Variants in ZNF469 observed in about 807,000 individuals in gnomAD.
ZNF469 encodes zinc finger protein 469.
In ZNF469, 1 loss-of-function variant was observed where a neutral mutation model predicts 1.0. That is an observed-to-expected ratio of 1.00 (90% CI 0.35 to 4.73). ZNF469 has a LOEUF of 4.73. Ranked by LOEUF, ZNF469 falls within the 30% of genes most tolerant of loss-of-function variation. The pLI is 0.16. For synonymous variants in ZNF469, 2,703 were observed against 2,363.4 expected, an observed-to-expected ratio of 1.14 and a Z score of -4.17; for missense variants, 6,100 against 5,356.3, an observed-to-expected ratio of 1.14 and a Z score of -4.33.
At chr16:88,398,019 G>A (rs1345288012) in intron 1 of ZNF469, among the ~76,000 whole-genome samples, 2 of 152,254 alleles carry the variant, frequency 1.3e-5, no homozygotes, top group Non-Finnish European at 2.9e-5. Context: ...GCCCGGCAGG[G>A]CCAGGCCTCC....
At chr16:88,153,554 C>T in the ZNF469 span, among the ~76,000 whole-genome samples, 1 of 152,222 alleles carries the variant, frequency 6.6e-6, no homozygotes, top group African/African-American at 2.4e-5. Context: ...CTTATGGGGA[C>T]ACAAATGGCA....
the ZNF469 span, among the ~76,000 whole-genome samples, chr16:88,297,377 G>C: frequency 2.6e-5 from 4 of 152,212 alleles, no homozygotes; most frequent in Admixed American, 2.6e-4. Flanking sequence ...CACCCTCCAC[G>C]TCCGCTTTCC....
Position 88,438,319 on chromosome 16 carries a change from C to A in ZNF469, c.10849C>A (p.Pro3617Thr), listed in dbSNP as rs1020578736. 1.9e-6 allele frequency: 3 copies of A among 1,550,156 alleles called. No individual in the cohort carries two copies. The highest frequency in any genetic ancestry group is 3.3e-4 in the Middle Eastern group (2 of 5,990). ...CCAAGATGCGGAGGGAAAGAGGGCT[C>A]CTCTCGTGTTCTCAGGGAAACGCAG... ...RGQDAEGKRA[P>T]LVFSGKRRAP... is the part of the protein sequence containing the mutation. Residue 3617 changes from proline to threonine, a missense_variant, in exon 3 of 3, where the codon CCT becomes ACT. Coordinates refer to ENST00000565624, the MANE Select transcript of ZNF469 (RefSeq NM_001367624.2).
the ZNF469 span, among the ~76,000 whole-genome samples, chr16:88,103,706 C>G: frequency 3.7e-3 from 550 of 150,336 alleles, 3 homozygotes; most frequent in African/African-American, 0.013. Context: ...CGAGGAAGCG[C>G]TGGAATAATC....
the ZNF469 span, among the ~76,000 whole-genome samples, chr16:88,187,345 A>G: frequency 1.3e-5 from 2 of 152,270 alleles, no homozygotes; most frequent in Admixed American, 6.5e-5. Context: ...CATGGTCAGC[A>G]TGAGAACACA....
At chr16:88,311,161 G>A in the ZNF469 span, among the ~76,000 whole-genome samples, 16 of 152,182 alleles carry the variant, frequency 1.1e-4, no homozygotes, top group Non-Finnish European at 1.5e-4. Context: ...AGACTACAGC[G>A]ATGAATCACT....
the ZNF469 span, among the ~76,000 whole-genome samples, chr16:88,144,336 C>G: frequency 3.9e-5 from 6 of 152,194 alleles, no homozygotes; most frequent in African/African-American, 1.4e-4. Flanking sequence ...ATGCCATAAC[C>G]AGAATAAAAC....
At chr16:88,283,932 CGG>C in the ZNF469 span, among the ~76,000 whole-genome samples, 2 of 59,136 alleles carry the variant, frequency 3.4e-5, no homozygotes, top group Admixed American at 2.0e-4. Context: ...CCGAGGTCTG[CGG>C]AGGCTGGTAG....
the ZNF469 span, among the ~76,000 whole-genome samples, chr16:88,170,720 G>A: frequency 1.3e-5 from 2 of 152,184 alleles, no homozygotes; most frequent in Admixed American, 1.3e-4. This position sits in a 1 kb window ranked among gnomAD's most constrained non-coding sequence, Gnocchi z 4.2. Context: ...CTTGGCTGTT[G>A]TGAGCAGGGC....
chr16:88,274,366 C>G, the ZNF469 span, among the ~76,000 whole-genome samples: 1 of 152,192 alleles, frequency 6.6e-6, no homozygotes, highest in South Asian at 2.1e-4. Flanking sequence ...TTTGATGCCA[C>G]TGAACTGCTT....
chr16:88,286,949 G>C, the ZNF469 span, among the ~76,000 whole-genome samples: 4 of 152,216 alleles, frequency 2.6e-5, no homozygotes, highest in African/African-American at 9.7e-5. Flanking sequence ...GAGTGTGTAT[G>C]AGACCATCTG....
the ZNF469 span, among the ~76,000 whole-genome samples, chr16:88,176,720 G>A: frequency 1.3e-5 from 2 of 152,196 alleles, no homozygotes; most frequent in Admixed American, 6.5e-5. Context: ...GGGTCGGCCC[G>A]TGGCCTGCCG....
At position 88,422,089 on chromosome 16, in the gene ZNF469, GTGGATGGA is replaced by G. The variant is rs367717750; in HGVS notation, c.-191-2703_-191-2696del. ...GAAGGGTGGACGGGTGGCTGACTGGGTGGATGGATGGATGGATGGATGAGTGGGTGGAT... is the reference window on the plus strand; with the variant it reads ...GAAGGGTGGACGGGTGGCTGACTGGGTGGATGGATGGATGAGTGGGTGGAT... On this transcript the variant is annotated intron_variant, in intron 1 of 2. Coordinates refer to ENST00000565624, the MANE Select transcript of ZNF469 (RefSeq NM_001367624.2). Among the ~76,000 whole-genome samples, 89 of 149,140 alleles carry G rather than the reference GTGGATGGA, an allele frequency of 6.0e-4. 1 individual carries two copies. Among genetic ancestry groups the G allele is most frequent in the Middle Eastern group, 3.5e-3 (1 of 284 alleles).
the ZNF469 span, among the ~76,000 whole-genome samples, chr16:88,264,702 C>G: frequency 1.3e-5 from 2 of 152,106 alleles, no homozygotes; most frequent in Non-Finnish European, 2.9e-5. Flanking sequence ...AGCCACACCT[C>G]AAGCTCAGCA....
chr16:88,225,094 C>T, the ZNF469 span, among the ~76,000 whole-genome samples: 6 of 152,256 alleles, frequency 3.9e-5, no homozygotes, highest in East Asian at 1.9e-4. Context: ...TCAGTGCCTA[C>T]GGGCGCCTGG....
At chr16:88,224,662 G>A in the ZNF469 span, among the ~76,000 whole-genome samples, 609 of 152,320 alleles carry the variant, frequency 4.0e-3, 7 homozygotes, top group Middle Eastern at 0.01. Context: ...TCGCAGGGTC[G>A]GAGCCCGGCA....
chr16:88,178,720 GT>G, the ZNF469 span: 1 of 152,204 alleles, frequency 6.6e-6, no homozygotes, highest in Non-Finnish European at 1.5e-5. Context: ...CCACATATTG[GT>G]TTTTCTTGAA....
Position 88,437,683 on chromosome 16 carries a change from G to C in ZNF469, c.10213G>C (p.Glu3405Gln). 6.5e-7 allele frequency: 1 copy of C among 1,549,528 alleles called. No individual in the cohort carries two copies. The highest frequency in any genetic ancestry group is 8.7e-7 in the Non-Finnish European group (1 of 1,146,430). The change falls in exon 3 of 3, where the codon GAG (glutamate) becomes CAG (glutamine). Residue 3405 changes from glutamate (E) to glutamine (Q), a missense_variant. By Grantham distance (29) the Glu-to-Gln change is conservative. Transcript: ENST00000565624. ...GCAGCACACGCCGCTGTATGCCTGC[G>C]AGCTCTGCGCCACGGTTATGCGCAT... is the stretch of plus-strand genomic sequence containing the variant. ...ELQHTPLYACELCATVMRIIK... is the reference protein window; with the variant it reads ...ELQHTPLYACQLCATVMRIIK...
At chr16:88,151,074 C>T in the ZNF469 span, among the ~76,000 whole-genome samples, 5 of 152,256 alleles carry the variant, frequency 3.3e-5, no homozygotes, top group African/African-American at 1.2e-4. The surrounding 1 kb of genome is among the most constrained non-coding windows in gnomAD (Gnocchi z 5.4). Flanking sequence ...AGCACCCGTC[C>T]AGGTGAAGCC....
Sources: gnomAD v4.1 joint callset for allele counts (sites outside exome capture counted in the v4.1 genomes callset) on GRCh38, gnomAD v4.1.1 for gene constraint, Gnocchi (gnomAD v3.1) non-coding constraint, MANE v1.5 for transcripts, NCBI Gene and HGNC (gene_info 2026-07-23, HGNC 2026-07-21) for gene names.